MTMR3: variants seen among roughly 807,000 people sequenced by gnomAD.
MTMR3 encodes the protein phosphatidylinositol-3,5-bisphosphate 3-phosphatase MTMR3.
MTMR3 carries 32 observed loss-of-function variants against 132.4 expected under a neutral mutation model. The ratio of observed to expected loss-of-function variants is 0.24; its 90% CI spans 0.18 to 0.32. The LOEUF (loss-of-function observed/expected upper bound fraction) is 0.32, where lower values mean the gene tolerates loss of function less well. MTMR3 is among the 10% of genes least tolerant of loss of function. The pLI is 1.00. For missense variants in MTMR3, 1,216 were observed against 1,489.6 expected, an observed-to-expected ratio of 0.82 and a Z score of 3.02; for synonymous variants, 556 against 550.3, an observed-to-expected ratio of 1.01 and a Z score of -0.14.
chr22:29,883,415 AG>A, intron 1 of MTMR3, 56 bp downstream of exon 1: 1 of 154,852 alleles, frequency 6.5e-6, no homozygotes, highest in Non-Finnish European at 1.4e-5. Flanking sequence ...GAGCTGGAGG[AG>A]GGGCCGGCCT....
intron 1 of MTMR3, among the ~76,000 whole-genome samples, chr22:29,916,565 G>GCGC (rs2065311962): frequency 6.1e-5 from 1 of 16,270 alleles, no homozygotes; most frequent in African/African-American, 4.7e-4. Flanking sequence ...TCACAGTTCG[G>GCGC]TGCTATTGTT....
intron 1 of MTMR3, among the ~76,000 whole-genome samples, chr22:29,952,680 A>G (rs537224969): frequency 9.1e-4 from 135 of 148,404 alleles, no homozygotes; most frequent in African/African-American, 3.1e-3. Flanking sequence ...AACATCCACC[A>G]CTTACCACAG....
intron 1 of MTMR3, among the ~76,000 whole-genome samples, chr22:29,936,294 G>A (rs1452788571): frequency 1.3e-5 from 2 of 152,102 alleles, no homozygotes; most frequent in East Asian, 1.9e-4. Context: ...GAACTTTTAG[G>A]TAGTTGCAGA....
intron 5 of MTMR3, chr22:29,982,937 T>TTTTTTTTTTTTTTTTG (rs752531735): frequency 4.2e-4 from 62 of 146,382 alleles, no homozygotes; most frequent in African/African-American, 1.5e-3. Context: ...AAAAGTTTGT[T>TTTTTTTTTTTTTTTTG]TGTGTGTGTG....
intron 2 of MTMR3, among the ~76,000 whole-genome samples, chr22:29,958,889 G>A (rs896493711): frequency 2.0e-5 from 3 of 152,332 alleles, no homozygotes; most frequent in African/African-American, 7.2e-5. Context: ...GGTAAGAATA[G>A]GGGAGGAGAA....
chr22:29,950,124 T>C (rs1026010697), intron 1 of MTMR3, among the ~76,000 whole-genome samples: 2 of 152,186 alleles, frequency 1.3e-5, no homozygotes, highest in Non-Finnish European at 2.9e-5. Context: ...GAAACCTTTT[T>C]CCGAGGCTGG....
chr22:29,949,260 G>A (rs1001805550), intron 1 of MTMR3, among the ~76,000 whole-genome samples: 8 of 151,238 alleles, frequency 5.3e-5, no homozygotes, highest in African/African-American at 1.9e-4. Flanking sequence ...GGCCAAGGCG[G>A]GCAGATCACC....
Position 30,016,611 on chromosome 22 carries a change from T to G in MTMR3, c.1587T>G (p.Thr529=). The change falls in exon 15 of 20, where the codon ACT becomes ACG. Residue 529 remains threonine (T), a synonymous_variant. Transcript: ENST00000401950. ...CCAAGGAGAGAGGGGAAAAGCATAC[T>G]CAGGAACGGACATGTTCCGTGTGGT... ...NNAKERGEKH[T]QERTCSVWSL... 6.2e-7 allele frequency: 1 copy of G among 1,614,184 alleles called. No individual in the cohort carries two copies. Among genetic ancestry groups the G allele is most frequent in the Non-Finnish European group, 8.5e-7 (1 of 1,180,024 alleles).
intron 9 of MTMR3, chr22:30,005,027 C>T (rs2067247140): frequency 1.3e-5 from 2 of 152,296 alleles, no homozygotes; most frequent in South Asian, 2.1e-4. Context: ...GTAAAGGGCA[C>T]CCATCTGTAG....
Position 29,929,315 on chromosome 22 carries a change from C to T in MTMR3, c.-137-27721C>T, listed in dbSNP as rs191268874. Among the ~76,000 whole-genome samples the T allele has an allele frequency of 4.9e-4, 74 of 152,122 alleles. 1 individual carries two copies. Among genetic ancestry groups the T allele is most frequent in the Admixed American group, 1.5e-3 (23 of 15,272 alleles). ...CAAACAGAAAACACTCATTTTTCCA[C>T]CAGTGCCAGTACTTGAAATTAAGCA... On this transcript the variant is annotated intron_variant, in intron 1 of 19. Coordinates refer to ENST00000401950, the MANE Select transcript of MTMR3 (RefSeq NM_021090.4).
rs2067698803 is a variant in MTMR3, at chr22:30,019,721, C to A, written c.2062C>A (p.Gln688Lys). The change falls in exon 17 of 20, where the codon CAG (glutamine) becomes AAG (lysine). Residue 688 changes from glutamine to lysine, a missense_variant. This residue lies in a region of MTMR3 where 852 missense variants were observed against 852.0 expected (regional missense o/e 1.00). Transcript: ENST00000401950. The part of the protein sequence containing the change: ...LSVAAGVAEG[Q>K]MENILQEATK... Reference sequence around the variant, plus strand: ...TGTTGCAGCCGGAGTAGCTGAGGGGCAGATGGAGAACATCTTGCAGGAGGC... The same window carrying A: ...TGTTGCAGCCGGAGTAGCTGAGGGGAAGATGGAGAACATCTTGCAGGAGGC... 2 of 1,614,206 alleles carry A rather than the reference C, an allele frequency of 1.2e-6. No individual in the cohort carries two copies. The highest frequency in any genetic ancestry group is 1.1e-5 in the South Asian group (1 of 91,088).
chr22:29,896,451 A>G (rs2064897757), intron 1 of MTMR3, among the ~76,000 whole-genome samples: 1 of 152,180 alleles, frequency 6.6e-6, no homozygotes, highest in Non-Finnish European at 1.5e-5. Context: ...GATTGCTCTC[A>G]GTTGGTCATT....
intron 1 of MTMR3, among the ~76,000 whole-genome samples, chr22:29,937,101 A>G (rs2065764676): frequency 6.6e-6 from 1 of 152,012 alleles, no homozygotes; most frequent in Non-Finnish European, 1.5e-5. Context: ...GTTATTATAT[A>G]TTAGTTTTCT....
At chr22:29,955,028 T>C (rs1156535299) in intron 1 of MTMR3, among the ~76,000 whole-genome samples, 1 of 152,226 alleles carries the variant, frequency 6.6e-6, no homozygotes, top group African/African-American at 2.4e-5. Context: ...CTTACTTTGT[T>C]GGCCAGGCTG....
intron 1 of MTMR3, among the ~76,000 whole-genome samples, chr22:29,943,970 T>C (rs2065906780): frequency 6.6e-6 from 1 of 152,016 alleles, no homozygotes; most frequent in African/African-American, 2.4e-5. Context: ...ACTACAGGTA[T>C]GCACCACCAT....
chr22:29,979,598 G>T, intron 5 of MTMR3: 2 of 161,710 alleles, frequency 1.2e-5, no homozygotes, highest in South Asian at 1.6e-4. Context: ...CCATTGTTTA[G>T]TTTAACAGTG....
intron 7 of MTMR3, chr22:29,995,971 T>C (rs976327207): frequency 6.6e-6 from 1 of 152,024 alleles, no homozygotes; most frequent in African/African-American, 2.4e-5. Flanking sequence ...ATATTAAGAG[T>C]GGGTATTGTT....
intron 1 of MTMR3, among the ~76,000 whole-genome samples, chr22:29,947,332 CTG>C (rs1393110607): frequency 2.0e-5 from 3 of 151,602 alleles, no homozygotes; most frequent in Non-Finnish European, 4.4e-5. Flanking sequence ...AATTATTTGT[CTG>C]TGTGGATTGT....
chr22:29,950,344 T>C (rs569696727), intron 1 of MTMR3, among the ~76,000 whole-genome samples: 3 of 150,730 alleles, frequency 2.0e-5, no homozygotes, highest in African/African-American at 7.3e-5. Flanking sequence ...TAGGGAACAT[T>C]TCTGTTTTTT....
Sources: gnomAD v4.1 joint callset for allele counts (sites outside exome capture counted in the v4.1 genomes callset) on GRCh38, gnomAD v4.1.1 for gene constraint, gnomAD v4.1.1 regional missense constraint, MANE v1.5 for transcripts, NCBI Gene and HGNC (gene_info 2026-07-23, HGNC 2026-07-21) for gene names.